Variants in MTUS1 observed in about 807,000 individuals in gnomAD.
The protein encoded by MTUS1 is microtubule associated scaffold protein 1, also known as microtubule-associated tumor suppressor 1.
In MTUS1, 109 loss-of-function variants were observed where a neutral mutation model predicts 120.8. The ratio of observed to expected loss-of-function variants is 0.90; its 90% CI spans 0.77 to 1.06. The LOEUF (loss-of-function observed/expected upper bound fraction) is 1.06, where lower values mean the gene tolerates loss of function less well. MTUS1 is among the 50% of genes least tolerant of loss of function. The pLI is 0.00. For synonymous variants in MTUS1, 737 were observed against 550.5 expected, an observed-to-expected ratio of 1.34 and a Z score of -4.74; for missense variants, 2,210 against 1,486.3, an observed-to-expected ratio of 1.49 and a Z score of -8.01.
chr8:17,747,867 G>C (rs1270509718), intron 2 of MTUS1, among the ~76,000 whole-genome samples: 3 of 152,144 alleles, frequency 2.0e-5, no homozygotes, highest in Non-Finnish European at 4.4e-5. Context: ...AGAGGGCAAG[G>C]AGGAGCAAGA....
intron 3 of MTUS1, among the ~76,000 whole-genome samples, chr8:17,728,363 C>T (rs572588768): frequency 6.6e-6 from 1 of 152,236 alleles, no homozygotes; most frequent in East Asian, 1.9e-4. Flanking sequence ...CCGTGGCCTC[C>T]CAAAGTGCTG....
chr8:17,797,337 T>C (rs1474742313), intron 1 of MTUS1, among the ~76,000 whole-genome samples: 3 of 152,170 alleles, frequency 2.0e-5, no homozygotes, highest in Non-Finnish European at 2.9e-5. Context: ...AGCTTGAGCC[T>C]GGGACGTGAA....
At chr8:17,714,823 G>C (rs1821997256) in intron 5 of MTUS1, among the ~76,000 whole-genome samples, 1 of 150,076 alleles carries the variant, frequency 6.7e-6, no homozygotes, top group Non-Finnish European at 1.5e-5. Flanking sequence ...TCATTTTATA[G>C]GTCAAGTTTC....
intron 7 of MTUS1, among the ~76,000 whole-genome samples, chr8:17,678,260 C>G (rs753729019): frequency 3.3e-5 from 5 of 152,100 alleles, no homozygotes; most frequent in Non-Finnish European, 5.9e-5. Context: ...CTCAGCTGCT[C>G]CTAGATCAGT....
At chr8:17,789,776 T>C (rs1231843598) in intron 1 of MTUS1, among the ~76,000 whole-genome samples, 1 of 152,200 alleles carries the variant, frequency 6.6e-6, no homozygotes, top group African/African-American at 2.4e-5. Context: ...AGCCCAACGA[T>C]AGCCAACCTC....
intron 8 of MTUS1, among the ~76,000 whole-genome samples, chr8:17,656,630 C>A (rs998873113): frequency 2.7e-5 from 4 of 148,204 alleles, no homozygotes; most frequent in Non-Finnish European, 4.4e-5. Context: ...AGAGAAGATC[C>A]CCTCTCATGT....
chr8:17,702,977 A>T (rs1434650490), intron 6 of MTUS1, among the ~76,000 whole-genome samples: 2 of 152,192 alleles, frequency 1.3e-5, no homozygotes, highest in East Asian at 3.9e-4. Flanking sequence ...TAATCCTGTT[A>T]TCTTTGTAAG....
chr8:17,750,741 T>A (rs1393540317), intron 2 of MTUS1, among the ~76,000 whole-genome samples: 3 of 152,192 alleles, frequency 2.0e-5, no homozygotes, highest in African/African-American at 7.2e-5. Context: ...CTGAGCAAAG[T>A]GCCTGACCCA....
At chr8:17,713,171 C>CA in intron 6 of MTUS1, 43 bp downstream of exon 6, 1 of 1,479,676 alleles carries the variant, frequency 6.8e-7, no homozygotes, top group Non-Finnish European at 9.4e-7. Context: ...CATAACTTTA[C>CA]AAAAAGATTC....
At chr8:17,763,268 G>A (rs920941993) in intron 1 of MTUS1, among the ~76,000 whole-genome samples, 5 of 152,194 alleles carry the variant, frequency 3.3e-5, no homozygotes, top group Non-Finnish European at 7.3e-5. Flanking sequence ...GGGATTACAG[G>A]CGTGAGCCAC....
intron 3 of MTUS1, among the ~76,000 whole-genome samples, chr8:17,730,705 G>A (rs550009188): frequency 2.6e-5 from 4 of 152,240 alleles, no homozygotes; most frequent in African/African-American, 9.6e-5. Flanking sequence ...TTGAGGACAC[G>A]GTGCTAAGTG....
At chr8:17,705,862 G>C (rs574179920) in intron 6 of MTUS1, 2 of 152,340 alleles carry the variant, frequency 1.3e-5, no homozygotes, top group Non-Finnish European at 2.9e-5. Flanking sequence ...CAGGGTACTG[G>C]ATAAATACAG....
chr8:17,767,058 G>A (rs569391659), intron 1 of MTUS1, among the ~76,000 whole-genome samples: 1 of 152,158 alleles, frequency 6.6e-6, no homozygotes, highest in African/African-American at 2.4e-5. Context: ...ATCACATAGT[G>A]TGGGTGGGGA....
intron 6 of MTUS1, among the ~76,000 whole-genome samples, chr8:17,703,491 AGCGT>A (rs1325428026): frequency 2.0e-5 from 3 of 151,902 alleles, no homozygotes; most frequent in Non-Finnish European, 4.4e-5. Flanking sequence ...AACTTTGCCT[AGCGT>A]GGTGGTGCGC....
intron 8 of MTUS1, among the ~76,000 whole-genome samples, chr8:17,657,810 A>AC (rs1808738059): frequency 6.7e-6 from 1 of 150,094 alleles, no homozygotes. Context: ...AAAAAAAAAA[A>AC]AAAAAAAAGC....
In MTUS1 at chr8:17,742,277, T is replaced by TG. The variant is rs1336470169; in HGVS notation, c.2287+1326_2287+1327insC. ...TGCTCTCATGCCCAGCTGTTTTTTT[T>TG]TTTTGTTGTTGTTGTTTTTTTTTTT... On this transcript the variant is annotated intron_variant, in intron 3 of 14. Transcript: ENST00000693296. Among the ~76,000 whole-genome samples the TG allele has an allele frequency of 2.4e-5, 3 of 124,312 alleles. No individual in the cohort carries two copies. The East Asian group carries it at 7.1e-4, about 29-fold the overall frequency. The allele number at this position is 124,312 out of a possible 152,430, so 81.6% of individuals were successfully genotyped here.
At position 17,697,361 on chromosome 8, in the gene MTUS1, T is replaced by G. The variant is rs1199316076; in HGVS notation, c.2624-12819A>C. The G allele has an allele frequency of 6.2e-6, 10 of 1,614,008 alleles. No individual in the cohort carries two copies. The African/African-American group carries it at 6.7e-5, about 11-fold the overall frequency. ...TATGTGAATGGTGGATAAGGAGAAT[T>G]TGGGAGACAACAACATGTCTTCGGA... On this transcript the variant is annotated intron_variant, in intron 6 of 14. Transcript: ENST00000693296.
At chr8:17,708,339 AC>A (rs1343167587) in intron 6 of MTUS1, among the ~76,000 whole-genome samples, 1 of 152,258 alleles carries the variant, frequency 6.6e-6, no homozygotes, top group Non-Finnish European at 1.5e-5. Context: ...GCCAGTAAGC[AC>A]ACGAAATGAC....
chr8:17,688,866 T>A (rs1376852585), intron 6 of MTUS1, among the ~76,000 whole-genome samples: 2 of 152,204 alleles, frequency 1.3e-5, no homozygotes, highest in Non-Finnish European at 2.9e-5. Flanking sequence ...TGGCATTTAC[T>A]GAAAATGGAA....
Sources: allele counts gnomAD v4.1 joint callset (sites outside exome capture counted in the v4.1 genomes callset), GRCh38; gene constraint gnomAD v4.1.1; transcripts MANE v1.5; gene names NCBI Gene and HGNC (gene_info 2026-07-23, HGNC 2026-07-21).